PTPN3: variants seen among roughly 807,000 people sequenced by gnomAD.
PTPN3 encodes the protein tyrosine-protein phosphatase non-receptor type 3.
Under a neutral mutation model 132.7 loss-of-function variants are expected in PTPN3, and 96 were observed. That is an observed-to-expected ratio of 0.72 (90% CI 0.61 to 0.86). PTPN3 has a LOEUF of 0.86. PTPN3 is among the 40% of genes least tolerant of loss of function. The pLI is 0.00. For synonymous variants in PTPN3, 398 were observed against 429.0 expected (o/e 0.93, Z 0.89); for missense variants, 1,125 against 1,159.6 (o/e 0.97, Z 0.43).
At position 109,415,666 on chromosome 9, in the gene PTPN3, T is replaced by C. The variant is rs1445983053; in HGVS notation, c.1313+4758A>G. On this transcript the variant is annotated intron_variant, in intron 14 of 25. Transcript: ENST00000374541. ...TGGTGGCTGCATGGGGGCAGTGCAG[T>C]GGGGATGGTGGAGGAGTCAAATGTA... Among the ~76,000 whole-genome samples the C allele has an allele frequency of 2.6e-5, 4 of 151,916 alleles. No individual in the cohort carries two copies. The East Asian group carries it at 7.7e-4, about 29-fold the overall frequency.
intron 5 of PTPN3, 80 bp from the exon 6 acceptor site, chr9:109,448,935 A>T: frequency 6.4e-7 from 1 of 1,550,854 alleles, no homozygotes; most frequent in Non-Finnish European, 8.6e-7. Flanking sequence ...TTGATGAGTC[A>T]AAGACAAGAG....
At chr9:109,450,975 G>A in intron 5 of PTPN3, 1 of 983,772 alleles carries the variant, frequency 1.0e-6, no homozygotes. Flanking sequence ...CTACAAAGCT[G>A]GGGTAAGATA....
intron 22 of PTPN3, among the ~76,000 whole-genome samples, chr9:109,384,151 G>A (rs550094934): frequency 2.6e-5 from 4 of 152,260 alleles, no homozygotes; most frequent in South Asian, 2.1e-4. Context: ...TGAGGCGGCC[G>A]GCGTGGGTGT....
At chr9:109,534,200 A>C in the PTPN3 span, 9 of 1,160,716 alleles carry the variant, frequency 7.8e-6, no homozygotes, top group Admixed American at 8.5e-5. Flanking sequence ...GGTGCTGCTG[A>C]TGTGAAGCCT....
chr9:109,435,146 G>A (rs184498955), intron 9 of PTPN3, among the ~76,000 whole-genome samples: 1 of 152,288 alleles, frequency 6.6e-6, no homozygotes, highest in African/African-American at 2.4e-5. Context: ...GGAAACAAAT[G>A]AATGGTTTGG....
At chr9:109,518,613 C>G in the PTPN3 span, among the ~76,000 whole-genome samples, 2 of 152,066 alleles carry the variant, frequency 1.3e-5, no homozygotes, top group African/African-American at 4.8e-5. Flanking sequence ...CAAGACTCCC[C>G]TGCCTCCATC....
chr9:109,393,801 CA>C (rs980363334), intron 19 of PTPN3, among the ~76,000 whole-genome samples: 4 of 152,126 alleles, frequency 2.6e-5, no homozygotes, highest in African/African-American at 9.7e-5. Context: ...TATGTTTTTG[CA>C]AATTGTATTG....
chr9:109,445,320 G>C (rs368800065), intron 6 of PTPN3, 28 bp from the exon 7 acceptor site: 4 of 1,595,714 alleles, frequency 2.5e-6, no homozygotes, highest in Non-Finnish European at 8.6e-7. Flanking sequence ...TATTAGCAAA[G>C]TCACAAGAAC....
At chr9:109,501,725 G>T (rs1381991540), upstream of PTPN3, among the ~76,000 whole-genome samples, 1 of 152,176 alleles carries the variant, frequency 6.6e-6, no homozygotes, top group African/African-American at 2.4e-5. Context: ...TGGGAATAGA[G>T]CTGTACTCAG....
intron 1 of PTPN3, among the ~76,000 whole-genome samples, chr9:109,486,144 C>T (rs1480281230): frequency 6.6e-6 from 1 of 152,212 alleles, no homozygotes; most frequent in African/African-American, 2.4e-5. Flanking sequence ...CTGGCATCAC[C>T]TGGGACGGTG....
chr9:109,504,021 A>G, the PTPN3 span, among the ~76,000 whole-genome samples: 1 of 152,230 alleles, frequency 6.6e-6, no homozygotes, highest in African/African-American at 2.4e-5. Flanking sequence ...CAGGGTAAGT[A>G]TAGTAGGGAG....
intron 21 of PTPN3, among the ~76,000 whole-genome samples, chr9:109,390,574 C>A (rs1839988189): frequency 6.6e-6 from 1 of 151,982 alleles, no homozygotes; most frequent in African/African-American, 2.4e-5. Flanking sequence ...ACATTGTGCA[C>A]ATGTACCCTA....
chr9:109,508,995 A>G, the PTPN3 span, among the ~76,000 whole-genome samples: 1 of 152,054 alleles, frequency 6.6e-6, no homozygotes, highest in Non-Finnish European at 1.5e-5. Context: ...GGAGTTTGAG[A>G]CTAGCCTGGG....
rs190413123 is a variant in PTPN3 at position 109,420,251 on chromosome 9, T to A, written c.1313+173A>T. Among the ~76,000 whole-genome samples, 204 of 152,272 alleles carry A rather than the reference T, an allele frequency of 1.3e-3. 2 individuals carry two copies. Among genetic ancestry groups the A allele is most frequent in the African/African-American group, 4.7e-3 (194 of 41,552 alleles). On this transcript the variant is annotated intron_variant, in intron 14 of 25. Transcript: ENST00000374541. The stretch of plus-strand genomic sequence containing the variant: ...TAGACCCCAGGCACATAGACCGTCT[T>A]CCGGGTGAAAAGGTAGAGTCTGATT...
In PTPN3 at chr9:109,399,940, C is replaced by CTT. The variant is rs1231862931; in HGVS notation, c.1953+4506_1953+4507dup. Among the ~76,000 whole-genome samples, 1,180 of 136,278 alleles carry CTT rather than the reference C, an allele frequency of 8.7e-3. 18 individuals carry two copies. The highest frequency in any genetic ancestry group is 0.029 in the African/African-American group (1,057 of 36,838). The allele number at this position is 136,278 out of a possible 152,430, so 89.4% of individuals were successfully genotyped here. Reference sequence around the variant, plus strand: ...TCCAAACCCAGCACAACACAGTTACCTTTTTTTTTTTTTTTTTTTAGCTGT... The same window carrying CTT: ...TCCAAACCCAGCACAACACAGTTACCTTTTTTTTTTTTTTTTTTTTTAGCTGT... On this transcript the variant is annotated intron_variant, in intron 19 of 25. Transcript: ENST00000374541.
At chr9:109,443,163 C>T (rs1321010980) in intron 7 of PTPN3, among the ~76,000 whole-genome samples, 1 of 150,840 alleles carries the variant, frequency 6.6e-6, no homozygotes, top group Non-Finnish European at 1.5e-5. Flanking sequence ...GCAGCCTCAA[C>T]CTCTGGGGCT....
intron 1 of PTPN3, among the ~76,000 whole-genome samples, chr9:109,482,650 TCCCCAAC>T (rs1847013650): frequency 6.6e-6 from 1 of 152,138 alleles, no homozygotes; most frequent in Non-Finnish European, 1.5e-5. Context: ...CATTTCTGCA[TCCCCAAC>T]CCTGCTTCCT....
rs751601039 is a variant in PTPN3, at chr9:109,457,381, C to T, written c.157G>A (p.Val53Ile). 7.4e-6 allele frequency: 12 copies of T among 1,613,254 alleles called. No individual in the cohort carries two copies. In the South Asian group the frequency reaches 8.8e-5, roughly 12 times the overall value. Residue 53 changes from valine (V) to isoleucine (I), a missense_variant, in exon 3 of 26, where the codon GTT becomes ATT. Physicochemically the swap from Val to Ile is conservative, Grantham distance 29. Coordinates refer to ENST00000374541, the MANE Select transcript of PTPN3 (RefSeq NM_002829.4). ...TGGTTGTGCACCATATCCAGAAGAA[C>T]CTGGCCAGTGTCTTGTTTCTAGAAC... ...FKVTKQDTGQVLLDMVHNHLG... is the reference protein window; with the variant it reads ...FKVTKQDTGQILLDMVHNHLG...
the PTPN3 span, among the ~76,000 whole-genome samples, chr9:109,523,146 T>C: frequency 6.6e-6 from 1 of 151,340 alleles, no homozygotes; most frequent in Non-Finnish European, 1.5e-5. Flanking sequence ...AGATGGAGTC[T>C]CGCTTTGTCG....
Sources: allele counts gnomAD v4.1 joint callset (sites outside exome capture counted in the v4.1 genomes callset), GRCh38; gene constraint gnomAD v4.1.1; transcripts MANE v1.5; gene names NCBI Gene and HGNC (gene_info 2026-07-23, HGNC 2026-07-21).